The following RHOU variants were observed in gnomAD, a reference collection of about 807,000 sequenced individuals.
RHOU encodes the protein ras homolog family member U, also known as rho-related GTP-binding protein RhoU.
RHOU carries 8 observed loss-of-function variants against 12.6 expected under a neutral mutation model. That is an observed-to-expected ratio of 0.64 (90% confidence interval 0.37 to 1.15). The LOEUF (loss-of-function observed/expected upper bound fraction) is 1.15. RHOU is among the 50% of genes most tolerant of loss of function. The pLI is 0.01. For synonymous variants in RHOU, 161 were observed against 147.4 expected (o/e 1.09, Z -0.67); for missense variants, 258 against 347.0 (o/e 0.74, Z 2.04).
At chr1:228,646,860 A>C in the RHOU span, among the ~76,000 whole-genome samples, 3 of 152,014 alleles carry the variant, frequency 2.0e-5, no homozygotes, top group African/African-American at 4.8e-5. Context: ...AGCAAGGAGA[A>C]GATGGATGGA....
chr1:228,697,446 C>T, the RHOU span, among the ~76,000 whole-genome samples: 1 of 152,322 alleles, frequency 6.6e-6, no homozygotes, highest in Admixed American at 6.5e-5. Flanking sequence ...GCGTTTCCAG[C>T]ATCTGCTTGC....
the RHOU span, among the ~76,000 whole-genome samples, chr1:228,691,480 T>A: frequency 2.0e-5 from 3 of 151,878 alleles, no homozygotes; most frequent in East Asian, 5.8e-4. Context: ...TAGTTTTGTC[T>A]TTTTCAGAAT....
the RHOU span, among the ~76,000 whole-genome samples, chr1:228,670,756 G>A: frequency 3.9e-5 from 6 of 152,212 alleles, no homozygotes; most frequent in African/African-American, 7.2e-5. Flanking sequence ...TCATGGGGGC[G>A]GACTTCTCCC....
At chr1:228,713,002 C>CT in the RHOU span, among the ~76,000 whole-genome samples, 195 of 146,894 alleles carry the variant, frequency 1.3e-3, 1 homozygote, top group African/African-American at 4.0e-3. Flanking sequence ...TTTTTTCTTC[C>CT]TTTTTTTTTT....
chr1:228,695,793 T>G, the RHOU span, among the ~76,000 whole-genome samples: 51 of 152,192 alleles, frequency 3.4e-4, no homozygotes, highest in Non-Finnish European at 2.9e-5. Flanking sequence ...TTATGGAGGA[T>G]TCATTATGTG....
chr1:228,690,781 C>T, the RHOU span, among the ~76,000 whole-genome samples: 30 of 152,102 alleles, frequency 2.0e-4, no homozygotes, highest in Non-Finnish European at 4.0e-4. Context: ...CATAGCCTGG[C>T]TAATTTTTTT....
the RHOU span, among the ~76,000 whole-genome samples, chr1:228,690,306 CTGAAGATTAGTTTG>C: frequency 1.3e-5 from 2 of 151,630 alleles, no homozygotes; most frequent in Admixed American, 1.3e-4. Context: ...AGACCAAATG[CTGAAGATTAGTTTG>C]TTTGTTTTTT....
the RHOU span, among the ~76,000 whole-genome samples, chr1:228,671,065 C>T: frequency 2.0e-5 from 3 of 152,218 alleles, no homozygotes; most frequent in East Asian, 3.9e-4. Context: ...AGTGCAGTGG[C>T]GTGATCTTGG....
At chr1:228,682,710 G>C in the RHOU span, among the ~76,000 whole-genome samples, 1 of 152,162 alleles carries the variant, frequency 6.6e-6, no homozygotes, top group Non-Finnish European at 1.5e-5. Context: ...GGAAAAGGCA[G>C]ATCAATAGAA....
chr1:228,687,630 C>A, the RHOU span: 1 of 1,559,558 alleles, frequency 6.4e-7, no homozygotes. Context: ...ACTGGAACTG[C>A]ACAAACTGGC....
chr1:228,673,824 G>A, the RHOU span, among the ~76,000 whole-genome samples: 1 of 152,082 alleles, frequency 6.6e-6, no homozygotes, highest in African/African-American at 2.4e-5. Flanking sequence ...ACTAATACAG[G>A]GTGTTTACAG....
chr1:228,742,399 G>A (rs984205468), intron 2 of RHOU, among the ~76,000 whole-genome samples: 1 of 152,174 alleles, frequency 6.6e-6, no homozygotes, highest in Admixed American at 6.5e-5. Flanking sequence ...CAGCACAACC[G>A]TTGGTTTATT....
chr1:228,720,472 T>C, the RHOU span, among the ~76,000 whole-genome samples: 1 of 152,206 alleles, frequency 6.6e-6, no homozygotes, highest in Non-Finnish European at 1.5e-5. Context: ...ACAGTGTTTT[T>C]AAAGAGGCAG....
the RHOU span, among the ~76,000 whole-genome samples, chr1:228,725,711 G>T: frequency 6.6e-6 from 1 of 152,186 alleles, no homozygotes; most frequent in Non-Finnish European, 1.5e-5. Context: ...TATTTTTAAT[G>T]CAATTTAAGA....
At chr1:228,723,767 A>C in the RHOU span, among the ~76,000 whole-genome samples, 12 of 152,254 alleles carry the variant, frequency 7.9e-5, no homozygotes, top group Admixed American at 7.8e-4. Context: ...AATGGCTCCC[A>C]GGCTTCTGCA....
At chr1:228,655,119 T>C in the RHOU span, among the ~76,000 whole-genome samples, 2 of 152,020 alleles carry the variant, frequency 1.3e-5, no homozygotes, top group Admixed American at 1.3e-4. Flanking sequence ...TTTTTTTTTT[T>C]TTGGAGATGA....
the RHOU span, among the ~76,000 whole-genome samples, chr1:228,711,296 T>C: frequency 1.3e-5 from 2 of 151,918 alleles, no homozygotes; most frequent in Non-Finnish European, 2.9e-5. Context: ...TTCACAGAAT[T>C]GGAAAAAACT....
the RHOU span, among the ~76,000 whole-genome samples, chr1:228,709,766 A>G: frequency 6.6e-6 from 1 of 151,990 alleles, no homozygotes; most frequent in Non-Finnish European, 1.5e-5. Context: ...AAGCAAGAGC[A>G]AACATATTCA....
At chr1:228,681,312 T>A in the RHOU span, among the ~76,000 whole-genome samples, 1 of 151,248 alleles carries the variant, frequency 6.6e-6, no homozygotes, top group African/African-American at 2.4e-5. Flanking sequence ...AATAGAAGGG[T>A]TATAGGGTGA....
Sources: gnomAD v4.1 joint callset for allele counts (sites outside exome capture counted in the v4.1 genomes callset) on GRCh38, gnomAD v4.1.1 for gene constraint, MANE v1.5 for transcripts, NCBI Gene and HGNC (gene_info 2026-07-23, HGNC 2026-07-21) for gene names.